The following MCTP2 variants were observed in gnomAD, a reference collection of about 807,000 sequenced individuals.
MCTP2 encodes the protein multiple C2 and transmembrane domain containing 2, also known as multiple C2 and transmembrane domain-containing protein 2.
Under a neutral mutation model 111.6 loss-of-function variants are expected in MCTP2, and 132 were observed. The ratio of observed to expected loss-of-function variants is 1.18; its 90% CI spans 1.03 to 1.37. The LOEUF (loss-of-function observed/expected upper bound fraction) is 1.37, where lower values mean the gene tolerates loss of function less well. Among genes scored for constraint, MCTP2 ranks in the 40% most tolerant of loss-of-function variants. The probability of loss-of-function intolerance (pLI) is 0.00; values close to 1 mark genes in which losing one functional copy is unlikely to be tolerated. For missense variants in MCTP2, 1,183 were observed against 1,067.9 expected (o/e 1.11, Z -1.50); for synonymous variants, 395 against 387.7 (o/e 1.02, Z -0.22).
chr15:94,250,057 T>TC (rs967231316), intron 1 of MCTP2, among the ~76,000 whole-genome samples: 3 of 152,064 alleles, frequency 2.0e-5, no homozygotes, highest in African/African-American at 7.2e-5. Context: ...ATTTTTTTTT[T>TC]CCCCAACTTA....
At chr15:94,375,093 G>A in intron 12 of MCTP2, among the ~76,000 whole-genome samples, 1 of 152,234 alleles carries the variant, frequency 6.6e-6, no homozygotes, top group African/African-American at 2.4e-5. Context: ...GGAAGTCTCA[G>A]GGAGCTTTTA....
At chr15:94,270,098 A>T (rs975881528) in intron 1 of MCTP2, among the ~76,000 whole-genome samples, 2 of 152,096 alleles carry the variant, frequency 1.3e-5, no homozygotes, top group African/African-American at 4.8e-5. Context: ...AATGTATATG[A>T]TGGTTTTTCT....
At chr15:94,302,863 C>T (rs562446592) in intron 2 of MCTP2, among the ~76,000 whole-genome samples, 10 of 151,998 alleles carry the variant, frequency 6.6e-5, no homozygotes, top group Non-Finnish European at 1.0e-4. Context: ...ATAGACATAA[C>T]GAGACGGGGC....
intron 19 of MCTP2, among the ~76,000 whole-genome samples, chr15:94,443,981 CAAAAAAAA>C (rs58768404): frequency 3.2e-4 from 22 of 69,406 alleles, no homozygotes; most frequent in East Asian, 4.9e-4. Context: ...GATATTTTAC[CAAAAAAAA>C]AAAAAAAAAA....
intron 14 of MCTP2, among the ~76,000 whole-genome samples, chr15:94,392,994 C>T (rs78200950): frequency 2.0e-5 from 3 of 152,016 alleles, no homozygotes; most frequent in Non-Finnish European, 2.9e-5. Flanking sequence ...CTTTTATGTC[C>T]GTTTTGAGCA....
chr15:94,433,771 G>C (rs761764654), intron 17 of MCTP2, among the ~76,000 whole-genome samples: 1 of 152,164 alleles, frequency 6.6e-6, no homozygotes, highest in African/African-American at 2.4e-5. Context: ...TATATTACCA[G>C]TGTTTTAAAT....
intron 4 of MCTP2, among the ~76,000 whole-genome samples, chr15:94,322,959 G>A (rs1250334100): frequency 2.0e-5 from 3 of 152,176 alleles, no homozygotes; most frequent in Non-Finnish European, 2.9e-5. Flanking sequence ...TGCAGAAAAG[G>A]TCTCAGATAC....
At chr15:94,370,361 A>C (rs2079419061) in intron 12 of MCTP2, among the ~76,000 whole-genome samples, 181 bp downstream of exon 12, 1 of 152,244 alleles carries the variant, frequency 6.6e-6, no homozygotes, top group African/African-American at 2.4e-5. Context: ...GCACCTATTT[A>C]CACAATTATT....
intron 17 of MCTP2, among the ~76,000 whole-genome samples, chr15:94,439,574 C>G (rs1216237275): frequency 6.6e-6 from 1 of 152,162 alleles, no homozygotes; most frequent in Admixed American, 6.5e-5. Flanking sequence ...GGCAGTTGGA[C>G]TCAGTCTCAA....
intron 12 of MCTP2, among the ~76,000 whole-genome samples, chr15:94,378,790 T>A (rs2079926077): frequency 6.6e-6 from 1 of 152,130 alleles, no homozygotes; most frequent in Admixed American, 6.5e-5. Flanking sequence ...CCAGGACCCA[T>A]CTGGAAAGGC....
At chr15:94,382,807 G>A (rs1190525489) in intron 12 of MCTP2, among the ~76,000 whole-genome samples, 1 of 152,276 alleles carries the variant, frequency 6.6e-6, no homozygotes, top group Admixed American at 6.5e-5. Context: ...GCTTTGTAAA[G>A]TGCCAGTGTG....
Position 94,340,887 on chromosome 15 carries a change from T to A in MCTP2, c.932T>A (p.Leu311Ter), listed in dbSNP as rs760158364. 2.5e-6 allele frequency: 4 copies of A among 1,612,356 alleles called. No homozygotes were observed. Among genetic ancestry groups the A allele is most frequent in the Non-Finnish European group, 3.4e-6 (4 of 1,178,474 alleles). ...EDDMGVIVLN[L>*]NLVVKQGDFK... ...GACATGGGAGTGATCGTGTTAAATT[T>A]GAACCTAGTGGTAAAACAGGGTGAT... Residue 311 changes from leucine (L) to a stop codon, truncating the protein, a stop_gained, in exon 7 of 23, where the codon TTG becomes TAG. Transcript: ENST00000357742. LOFTEE classifies it high-confidence loss of function.
chr15:94,245,430 A>G (rs559409680), intron 1 of MCTP2, among the ~76,000 whole-genome samples: 1 of 137,226 alleles, frequency 7.3e-6, no homozygotes, highest in Non-Finnish European at 1.5e-5. Context: ...GTGTGTATAT[A>G]TTTATATATA....
At chr15:94,408,507 T>C (rs1289829092) in intron 17 of MCTP2, among the ~76,000 whole-genome samples, 1 of 152,240 alleles carries the variant, frequency 6.6e-6, no homozygotes, top group Non-Finnish European at 1.5e-5. Context: ...AAAGTTTTTT[T>C]CAGCACTTTT....
At position 94,341,337 on chromosome 15, in the gene MCTP2, T is replaced by G. The variant is rs17661776; in HGVS notation, c.969+413T>G. The stretch of plus-strand genomic sequence containing the variant: ...CTGTAACATCAGTGAAGCATTAGAC[T>G]TTGTCACAATATGATTGGGACTCTT... On this transcript the variant is annotated intron_variant, in intron 7 of 22. Coordinates refer to ENST00000357742, the MANE Select transcript of MCTP2 (RefSeq NM_001385001.1). The G allele has an allele frequency of 1.6e-3, 254 of 159,420 alleles. 5 individuals are homozygous for G. In the East Asian group the frequency reaches 0.039, roughly 24 times the overall value. 9.9% of individuals were successfully genotyped at this position (159,420 alleles called of 1,614,324 possible).
At chr15:94,282,983 C>T (rs1164270760) in intron 1 of MCTP2, among the ~76,000 whole-genome samples, 2 of 152,014 alleles carry the variant, frequency 1.3e-5, no homozygotes, top group African/African-American at 2.4e-5. Flanking sequence ...AAAAGTGATC[C>T]AGTGGGGCGG....
intron 17 of MCTP2, among the ~76,000 whole-genome samples, chr15:94,431,270 A>C (rs556990810): frequency 6.6e-6 from 1 of 152,348 alleles, no homozygotes; most frequent in South Asian, 2.1e-4. Context: ...CAGTTGAGAA[A>C]ATAGCTTTCT....
At chr15:94,319,591 T>C (rs1470946575) in intron 4 of MCTP2, among the ~76,000 whole-genome samples, 4 of 152,190 alleles carry the variant, frequency 2.6e-5, no homozygotes, top group African/African-American at 9.7e-5. Context: ...ACCTTTGCTC[T>C]AGGCAGTCCC....
chr15:94,376,385 T>G (rs1253130575), intron 12 of MCTP2, among the ~76,000 whole-genome samples: 5 of 152,160 alleles, frequency 3.3e-5, no homozygotes, highest in Non-Finnish European at 5.9e-5. Context: ...ATGATAGCTG[T>G]CTCTCATTTT....
Sources: gnomAD v4.1 joint callset for allele counts (sites outside exome capture counted in the v4.1 genomes callset) on GRCh38, gnomAD v4.1.1 for gene constraint, MANE v1.5 for transcripts, NCBI Gene and HGNC (gene_info 2026-07-23, HGNC 2026-07-21) for gene names.